SPATS2: variants seen among roughly 807,000 people sequenced by gnomAD.
The protein encoded by SPATS2 is spermatogenesis-associated serine-rich protein 2.
In SPATS2, 38 loss-of-function variants were observed where a neutral mutation model predicts 63.7. That is an observed-to-expected ratio of 0.60 (90% CI 0.46 to 0.78). The LOEUF is 0.78. SPATS2 is among the 30% of genes least tolerant of loss of function. The pLI, the probability that SPATS2 is intolerant of heterozygous loss-of-function variation, is 0.00. For missense variants in SPATS2, 588 were observed against 666.2 expected, an observed-to-expected ratio of 0.88 and a Z score of 1.29; for synonymous variants, 207 against 232.9, an observed-to-expected ratio of 0.89 and a Z score of 1.01.
At chr12:49,436,271 G>A (rs1199373265) in intron 2 of SPATS2, among the ~76,000 whole-genome samples, 1 of 148,876 alleles carries the variant, frequency 6.7e-6, no homozygotes, top group South Asian at 2.1e-4. Flanking sequence ...CGGGCGGGGG[G>A]CTGACCTCCC....
intron 3 of SPATS2, among the ~76,000 whole-genome samples, chr12:49,482,821 T>A (rs1946228485): frequency 6.6e-6 from 1 of 152,048 alleles, no homozygotes; most frequent in African/African-American, 2.4e-5. Context: ...ACAGGATCTC[T>A]CTCTGTCACC....
chr12:49,401,134 C>T (rs1331245601), intron 2 of SPATS2, among the ~76,000 whole-genome samples: 2 of 152,088 alleles, frequency 1.3e-5, no homozygotes, highest in Non-Finnish European at 2.9e-5. Flanking sequence ...TCTCACCCTC[C>T]CAAGTAGCTG....
At chr12:49,437,657 T>C (rs1278920825) in intron 2 of SPATS2, among the ~76,000 whole-genome samples, 7 of 152,050 alleles carry the variant, frequency 4.6e-5, no homozygotes, top group Admixed American at 4.6e-4. Context: ...CGAAACCCCG[T>C]CTCCACCAAA....
Position 49,489,558 on chromosome 12 carries a change from C to A in SPATS2, c.199C>A (p.Gln67Lys). The change falls in exon 5 of 14, where the codon CAA (glutamine) becomes AAA (lysine). Residue 67 changes from glutamine (Q) to lysine (K), a missense_variant. Gln to Lys is a moderately conservative substitution (Grantham distance 53). Transcript: ENST00000552918. ...TGATAACTGTGTGGACAAAACAGTACAAGCATTCATGGAAGGTAATCCTGA... is the reference window on the plus strand; with the variant it reads ...TGATAACTGTGTGGACAAAACAGTAAAAGCATTCATGGAAGGTAATCCTGA... Reference protein sequence around the residue: ...HFDNCVDKTVQAFMEGSASEV... With the variant: ...HFDNCVDKTVKAFMEGSASEV... 6.2e-7 allele frequency: 1 copy of A among 1,611,996 alleles called. No homozygotes were observed. Among genetic ancestry groups the A allele is most frequent in the Non-Finnish European group, 8.5e-7 (1 of 1,179,058 alleles).
chr12:49,438,912 A>G (rs1945365956), intron 2 of SPATS2, among the ~76,000 whole-genome samples: 2 of 152,342 alleles, frequency 1.3e-5, no homozygotes, highest in African/African-American at 2.4e-5. Context: ...CTCTGTCCTC[A>G]TGGAGTCCAA....
intron 2 of SPATS2, among the ~76,000 whole-genome samples, chr12:49,421,280 T>C (rs971626666): frequency 1.3e-5 from 2 of 151,870 alleles, no homozygotes; most frequent in Non-Finnish European, 2.9e-5. Context: ...TAGCTGGGCA[T>C]GGTGGCGTGC....
chr12:49,520,067 C>G (rs1378356815), intron 11 of SPATS2, among the ~76,000 whole-genome samples: 1 of 152,044 alleles, frequency 6.6e-6, no homozygotes, highest in Non-Finnish European at 1.5e-5. Context: ...GCAACCTCCG[C>G]CTCCCCGGTT....
chr12:49,484,073 C>G (rs1946250099), intron 3 of SPATS2, among the ~76,000 whole-genome samples: 9 of 152,106 alleles, frequency 5.9e-5, no homozygotes, highest in Admixed American at 2.6e-4. Context: ...TTTCCATAAC[C>G]TACAACTTGG....
chr12:49,437,372 A>G (rs1945330972), intron 2 of SPATS2, among the ~76,000 whole-genome samples: 1 of 148,784 alleles, frequency 6.7e-6, no homozygotes, highest in Non-Finnish European at 1.5e-5. Flanking sequence ...GAGGCTCCTC[A>G]CATCCCAGAC....
intron 10 of SPATS2, among the ~76,000 whole-genome samples, chr12:49,516,482 C>G (rs953078650): frequency 1.3e-5 from 2 of 151,674 alleles, no homozygotes; most frequent in Non-Finnish European, 2.9e-5. Flanking sequence ...CCGAGGCGGG[C>G]TGATCACGAG....
At chr12:49,469,913 C>T (rs1946004317) in intron 3 of SPATS2, among the ~76,000 whole-genome samples, 1 of 151,944 alleles carries the variant, frequency 6.6e-6, no homozygotes, top group Non-Finnish European at 1.5e-5. Flanking sequence ...AAAAAACATG[C>T]AACTCAACAC....
intron 3 of SPATS2, among the ~76,000 whole-genome samples, chr12:49,479,277 C>G (rs1315557864): frequency 6.6e-6 from 1 of 152,240 alleles, no homozygotes; most frequent in Non-Finnish European, 1.5e-5. Context: ...AAGGTCCTCC[C>G]TGGCCTGACA....
chr12:49,497,127 C>T (rs1014621768), intron 8 of SPATS2, 118 bp downstream of exon 8: 2 of 1,054,774 alleles, frequency 1.9e-6, no homozygotes, highest in Non-Finnish European at 2.7e-6. Flanking sequence ...AATATTTTTC[C>T]ATTTTCCAGA....
chr12:49,403,497 G>A (rs1404660797), intron 2 of SPATS2, among the ~76,000 whole-genome samples: 3 of 151,682 alleles, frequency 2.0e-5, no homozygotes, highest in East Asian at 1.9e-4. Context: ...GTGTGGTGGC[G>A]GGTGCTTGTA....
intron 2 of SPATS2, among the ~76,000 whole-genome samples, chr12:49,388,685 A>ATT (rs760281014): frequency 3.2e-5 from 4 of 125,946 alleles, no homozygotes; most frequent in Non-Finnish European, 6.7e-5. Context: ...CTTGAACCAC[A>ATT]TTTTTTTTTC....
At chr12:49,514,480 T>G in intron 9 of SPATS2, 75 bp from the exon 10 acceptor site, 1 of 1,387,136 alleles carries the variant, frequency 7.2e-7, no homozygotes, top group South Asian at 1.3e-5. Flanking sequence ...TGGTCTTTCT[T>G]TACTATTAAT....
At chr12:49,462,551 C>CA in intron 3 of SPATS2, 6 of 662,584 alleles carry the variant, frequency 9.1e-6, no homozygotes. Flanking sequence ...GCCAGTGTGA[C>CA]AGCCTTTTGT....
At chr12:49,454,526 G>C (rs1945684338) in intron 2 of SPATS2, 1 of 152,140 alleles carries the variant, frequency 6.6e-6, no homozygotes, top group African/African-American at 2.4e-5. Context: ...TGCTGTTATT[G>C]CTGTCTGCAT....
intron 3 of SPATS2, among the ~76,000 whole-genome samples, chr12:49,473,578 T>C (rs1237567363): frequency 2.0e-5 from 3 of 152,236 alleles, no homozygotes; most frequent in Non-Finnish European, 4.4e-5. Context: ...CATTCCTAGG[T>C]ACACCGTAAC....
Sources: gnomAD v4.1 joint callset for allele counts (sites outside exome capture counted in the v4.1 genomes callset) on GRCh38, gnomAD v4.1.1 for gene constraint, MANE v1.5 for transcripts, NCBI Gene and HGNC (gene_info 2026-07-23, HGNC 2026-07-21) for gene names.